Variants in RFTN1 observed in about 807,000 individuals in gnomAD.
RFTN1 encodes raftlin.
RFTN1 carries 26 observed loss-of-function variants against 46.5 expected under a neutral mutation model. The ratio of observed to expected loss-of-function variants is 0.56; its 90% confidence interval spans 0.41 to 0.78. RFTN1 has a LOEUF of 0.78. RFTN1 is among the 30% of genes least tolerant of loss of function. The pLI, the probability that RFTN1 is intolerant of heterozygous loss-of-function variation, is 0.00. For missense variants in RFTN1, 693 were observed against 718.7 expected (o/e 0.96, Z 0.41); for synonymous variants, 261 against 284.2 (o/e 0.92, Z 0.82).
chr3:16,419,966 G>A (rs1575262888), intron 3 of RFTN1, among the ~76,000 whole-genome samples: 1 of 152,184 alleles, frequency 6.6e-6, no homozygotes, highest in South Asian at 2.1e-4. Flanking sequence ...CTCTCTCAGG[G>A]AGCTGTGCAT....
intron 2 of RFTN1, among the ~76,000 whole-genome samples, chr3:16,487,375 G>C (rs1313549042): frequency 6.6e-6 from 1 of 152,178 alleles, no homozygotes; most frequent in Non-Finnish European, 1.5e-5. Flanking sequence ...ATTCTGACCT[G>C]AAACCGAATT....
intron 2 of RFTN1, among the ~76,000 whole-genome samples, chr3:16,491,740 A>T (rs1231496499): frequency 6.6e-6 from 1 of 151,934 alleles, no homozygotes; most frequent in East Asian, 1.9e-4. Context: ...ACACATAACC[A>T]CGATGCAAAA....
In RFTN1 at chr3:16,346,728, G is replaced by T. The variant is rs2071746430; in HGVS notation, c.1146+11204C>A. 6.6e-6 allele frequency among the ~76,000 whole-genome samples: 1 copy of T among 152,156 alleles called. No homozygotes were observed. Among genetic ancestry groups the T allele is most frequent in the Non-Finnish European group, 1.5e-5 (1 of 68,030 alleles). ...CTTTTACTTGCTAATAAAAAGGGAC[G>T]TGTGGCAGGAAAAAACTGCCCCGTT... On this transcript the variant is annotated intron_variant, in intron 7 of 9. Coordinates refer to ENST00000334133, the MANE Select transcript of RFTN1 (RefSeq NM_015150.2). This position sits in a 1 kb window ranked among gnomAD's most constrained non-coding sequence, Gnocchi z 4.4.
chr3:16,482,899 C>T (rs1003765272), intron 2 of RFTN1: 169 of 1,453,634 alleles, frequency 1.2e-4, no homozygotes, highest in Non-Finnish European at 5.9e-5. Context: ...CTTAAATTTG[C>T]GGAAATATAG....
At chr3:16,432,110 T>A (rs962480244) in intron 3 of RFTN1, among the ~76,000 whole-genome samples, 1 of 152,202 alleles carries the variant, frequency 6.6e-6, no homozygotes, top group Non-Finnish European at 1.5e-5. Context: ...GCTCACTAAA[T>A]ATAAGCTACT....
intron 4 of RFTN1, among the ~76,000 whole-genome samples, chr3:16,397,781 C>A (rs1408558193): frequency 9.2e-6 from 1 of 108,306 alleles, no homozygotes; most frequent in Non-Finnish European, 2.3e-5. Context: ...GGTCTCTCTC[C>A]CTCTCTCTCT....
intron 7 of RFTN1, among the ~76,000 whole-genome samples, chr3:16,343,915 T>C (rs2071474974): frequency 6.6e-6 from 1 of 152,140 alleles, no homozygotes; most frequent in Non-Finnish European, 1.5e-5. Flanking sequence ...CCCACAAAGC[T>C]GGTGGCATTA....
At position 16,322,543 on chromosome 3, in the gene RFTN1, T is replaced by C. The variant is rs1353702415; in HGVS notation, c.1332+833A>G. ...CAGTGAGCTGAATCCAGGTGATGCC[T>C]GACTCAGGCTTTGGTGTGTCCACTC... On this transcript the variant is annotated intron_variant, in intron 9 of 9. Transcript: ENST00000334133. This position sits in a 1 kb window ranked among gnomAD's most constrained non-coding sequence, Gnocchi z 6.2. Among the ~76,000 whole-genome samples the C allele has an allele frequency of 3.9e-5, 6 of 152,200 alleles. No homozygotes were observed. Among genetic ancestry groups the C allele is most frequent in the Admixed American group, 3.9e-4 (6 of 15,288 alleles).
intron 1 of RFTN1, among the ~76,000 whole-genome samples, chr3:16,511,122 G>A (rs564671807): frequency 2.0e-5 from 3 of 152,270 alleles, no homozygotes; most frequent in Admixed American, 2.0e-4. Context: ...GAGAGGGTGA[G>A]GGCAGAGAAT....
Position 16,449,832 on chromosome 3 carries a change from T to C in RFTN1, c.146-15795A>G, listed in dbSNP as rs554927853. Among the ~76,000 whole-genome samples the C allele has an allele frequency of 1.4e-3, 211 of 152,250 alleles. No homozygotes were observed. The highest frequency in any genetic ancestry group is 4.7e-3 in the African/African-American group (194 of 41,544). ...ACTCCACTACAGGCTGCTGAAGTAC[T>C]TGTGGAAAGGGATGTGAGGAGGAAG... On this transcript the variant is annotated intron_variant, in intron 2 of 9. Transcript: ENST00000334133. The surrounding 1 kb of genome is among the most constrained non-coding windows in gnomAD (Gnocchi z 5.1).
chr3:16,470,251 T>C (rs957285426), intron 2 of RFTN1, among the ~76,000 whole-genome samples: 12 of 142,906 alleles, frequency 8.4e-5, no homozygotes, highest in African/African-American at 2.1e-4. Flanking sequence ...CACACACACA[T>C]ACAGACATAA....
rs2076409980 is a variant in RFTN1, at chr3:16,484,123, A to G, written c.145+9602T>C. ...ATTTATAACTAGCCATTAGGCACCC[A>G]AACACTTAGCTCCCCACAACTTTCA... On this transcript the variant is annotated intron_variant, in intron 2 of 9. Coordinates refer to ENST00000334133, the MANE Select transcript of RFTN1 (RefSeq NM_015150.2). The surrounding 1 kb of genome is among the most constrained non-coding windows in gnomAD (Gnocchi z 4.6). Among the ~76,000 whole-genome samples, 1 of 152,246 alleles carries G rather than the reference A, an allele frequency of 6.6e-6. No individual in the cohort carries two copies. Among genetic ancestry groups the G allele is most frequent in the Non-Finnish European group, 1.5e-5 (1 of 68,042 alleles).
chr3:16,426,663 G>C lies in RFTN1; in HGVS notation c.332+7188C>G, dbSNP rs2075295627. Among the ~76,000 whole-genome samples, 1 of 139,820 alleles carries C rather than the reference G, an allele frequency of 7.2e-6. No homozygotes were observed. Among genetic ancestry groups the C allele is most frequent in the Non-Finnish European group, 1.6e-5 (1 of 62,016 alleles). The allele number at this position is 139,820 out of a possible 152,430, so 91.7% of individuals were successfully genotyped here. The stretch of plus-strand genomic sequence containing the variant: ...GTTATTTTGGCAATGAAAGGATCGT[G>C]TGTGTGTGTGTGTGTGTGTGTGTGT... On this transcript the variant is annotated intron_variant, in intron 3 of 9. Transcript: ENST00000334133. This position sits in a 1 kb window ranked among gnomAD's most constrained non-coding sequence, Gnocchi z 5.9.
At chr3:16,485,265 T>C (rs2076429790) in intron 2 of RFTN1, among the ~76,000 whole-genome samples, 1 of 152,054 alleles carries the variant, frequency 6.6e-6, no homozygotes, top group Non-Finnish European at 1.5e-5. Context: ...AACAAGGGAA[T>C]ATTACTCAGA....
intron 2 of RFTN1, among the ~76,000 whole-genome samples, chr3:16,437,564 A>G (rs2075539734): frequency 6.6e-6 from 1 of 152,016 alleles, no homozygotes; most frequent in African/African-American, 2.4e-5. Flanking sequence ...GGAGGCTGAG[A>G]TGGGAGGATC....
chr3:16,326,532 T>C (rs2069709842), intron 8 of RFTN1, among the ~76,000 whole-genome samples: 1 of 152,152 alleles, frequency 6.6e-6, no homozygotes, highest in Non-Finnish European at 1.5e-5. Context: ...TCTTTGACAT[T>C]CTGGGCAGTA....
chr3:16,382,992 G>A lies in RFTN1; in HGVS notation c.442-4890C>T, dbSNP rs1345287150. Among the ~76,000 whole-genome samples, 3 of 152,154 alleles carry A rather than the reference G, an allele frequency of 2.0e-5. No individual in the cohort carries two copies. The highest frequency in any genetic ancestry group is 4.4e-5 in the Non-Finnish European group (3 of 68,034). On this transcript the variant is annotated intron_variant, in intron 4 of 9. Coordinates refer to ENST00000334133, the MANE Select transcript of RFTN1 (RefSeq NM_015150.2). This position sits in a 1 kb window ranked among gnomAD's most constrained non-coding sequence, Gnocchi z 4.7. ...ACATCTCTAACAACAGCGATTACAG[G>A]AAACAGCAACTATTAACATTGCACA...
At chr3:16,467,835 C>G (rs1312731123) in intron 2 of RFTN1, among the ~76,000 whole-genome samples, 1 of 152,180 alleles carries the variant, frequency 6.6e-6, no homozygotes, top group African/African-American at 2.4e-5. Flanking sequence ...CTCTGGCAGA[C>G]AGAGCAGGGA....
intron 2 of RFTN1, among the ~76,000 whole-genome samples, chr3:16,486,282 C>T (rs987800579): frequency 2.6e-5 from 4 of 151,934 alleles, no homozygotes; most frequent in African/African-American, 7.3e-5. Flanking sequence ...CATCCTTCCT[C>T]ATTCTAAATC....
Sources: allele counts gnomAD v4.1 joint callset (sites outside exome capture counted in the v4.1 genomes callset), GRCh38; gene constraint gnomAD v4.1.1; non-coding constraint Gnocchi (gnomAD v3.1); transcripts MANE v1.5; gene names NCBI Gene and HGNC (gene_info 2026-07-23, HGNC 2026-07-21).